Variants in CSMD1 observed in about 807,000 individuals in gnomAD.
CSMD1 encodes the protein CUB and Sushi multiple domains 1.
CSMD1 carries 213 observed loss-of-function variants against 417.5 expected under a neutral mutation model. The observed-to-expected ratio is 0.51, with a 90% CI of 0.46 to 0.57. The LOEUF is 0.57. Ranked by LOEUF, CSMD1 falls within the 20% of genes least tolerant of loss-of-function variation. The pLI is 0.00. For synonymous variants in CSMD1, 2,862 were observed against 1,736.8 expected (o/e 1.65, Z -16.11); for missense variants, 6,923 against 4,529.7 (o/e 1.53, Z -15.17).
chr8:4,149,307 A>G (rs375439781), intron 3 of CSMD1, among the ~76,000 whole-genome samples: 2 of 152,206 alleles, frequency 1.3e-5, no homozygotes, highest in Non-Finnish European at 2.9e-5. Flanking sequence ...AAGCTTTCAC[A>G]TATTCACTGA....
chr8:3,694,234 G>A (rs1042811572), intron 7 of CSMD1, among the ~76,000 whole-genome samples: 14 of 152,162 alleles, frequency 9.2e-5, no homozygotes, highest in African/African-American at 3.1e-4. Flanking sequence ...GGAGGCCATA[G>A]CTCTGTCATG....
intron 58 of CSMD1, among the ~76,000 whole-genome samples, chr8:2,966,200 C>A (rs1333746068): frequency 2.6e-5 from 4 of 152,178 alleles, no homozygotes; most frequent in African/African-American, 9.7e-5. Context: ...ACTTCCACCC[C>A]TTGACTAGCC....
intron 2 of CSMD1, among the ~76,000 whole-genome samples, chr8:4,428,279 C>T (rs1201266381): frequency 1.3e-5 from 2 of 152,184 alleles, no homozygotes; most frequent in South Asian, 4.1e-4. Context: ...AAAATCAGGA[C>T]AGCTTGTACC....
intron 41 of CSMD1, among the ~76,000 whole-genome samples, chr8:3,140,880 G>C (rs924170455): frequency 2.6e-5 from 4 of 152,198 alleles, no homozygotes; most frequent in South Asian, 2.1e-4. Context: ...ACTTTTCTTA[G>C]AGATTGCATA....
intron 5 of CSMD1, among the ~76,000 whole-genome samples, chr8:3,760,761 G>A (rs968233262): frequency 6.6e-6 from 1 of 152,180 alleles, no homozygotes; most frequent in African/African-American, 2.4e-5. Context: ...AAAATCATCA[G>A]AGAAATGTCT....
At chr8:3,478,977 G>A (rs777151719) in intron 11 of CSMD1, among the ~76,000 whole-genome samples, 25 of 151,880 alleles carry the variant, frequency 1.6e-4, no homozygotes, top group Non-Finnish European at 2.4e-4. Flanking sequence ...TGGTCCCTCC[G>A]ACCTCCCTCA....
chr8:3,314,003 A>T (rs914207270), intron 23 of CSMD1, among the ~76,000 whole-genome samples: 1 of 152,156 alleles, frequency 6.6e-6, no homozygotes, highest in Non-Finnish European at 1.5e-5. Context: ...CATCATTCTC[A>T]GCAAACTATC....
chr8:3,814,621 G>A (rs563459151), intron 5 of CSMD1, among the ~76,000 whole-genome samples: 2 of 152,158 alleles, frequency 1.3e-5, no homozygotes, highest in Admixed American at 6.5e-5. Flanking sequence ...ACAGCACACA[G>A]AACGGCCTCC....
At chr8:3,894,875 T>A (rs1260204761) in intron 5 of CSMD1, among the ~76,000 whole-genome samples, 4 of 152,188 alleles carry the variant, frequency 2.6e-5, no homozygotes, top group Non-Finnish European at 5.9e-5. Context: ...TTCACACCTG[T>A]CTTATAAATC....
chr8:4,768,835 C>T lies in CSMD1; in HGVS notation c.86-131277G>A, dbSNP rs1413665869. ...AATGGAAATAGAAGCAGTTATTATT[C>T]ATATGGGAAGGGGAGGTGGCTGAGA... On this transcript the variant is annotated intron_variant, in intron 1 of 69. Transcript: ENST00000635120. Among the ~76,000 whole-genome samples the T allele has an allele frequency of 2.6e-5, 4 of 152,242 alleles. No individual in the cohort carries two copies. In the East Asian group the frequency reaches 7.7e-4, roughly 29 times the overall value.
chr8:4,541,338 T>A (rs1038433661), intron 2 of CSMD1, among the ~76,000 whole-genome samples: 1 of 152,228 alleles, frequency 6.6e-6, no homozygotes, highest in African/African-American at 2.4e-5. Context: ...TTACAGTGGG[T>A]ACTGCCTTTG....
intron 21 of CSMD1, among the ~76,000 whole-genome samples, chr8:3,354,382 A>G (rs1343543664): frequency 1.3e-5 from 2 of 152,164 alleles, no homozygotes; most frequent in South Asian, 4.1e-4. Flanking sequence ...TGGGAAAACT[A>G]TTAATATGCA....
chr8:3,468,506 A>T lies in CSMD1; in HGVS notation c.1561+206T>A, dbSNP rs181343372. On this transcript the variant is annotated intron_variant, in intron 12 of 69. Coordinates refer to ENST00000635120, the MANE Select transcript of CSMD1 (RefSeq NM_033225.6). The stretch of plus-strand genomic sequence containing the variant: ...TTATTTTGGGATAATCAGAGCACAT[A>T]TCATGGCAAGCCGAGTTTTCAGAAG... Among the ~76,000 whole-genome samples, 403 of 152,274 alleles carry T rather than the reference A, an allele frequency of 2.6e-3. 1 individual carries two copies. The highest frequency in any genetic ancestry group is 4.8e-3 in the Non-Finnish European group (325 of 68,020).
At chr8:3,677,120 G>T (rs879726312) in intron 7 of CSMD1, among the ~76,000 whole-genome samples, 5 of 152,034 alleles carry the variant, frequency 3.3e-5, no homozygotes, top group Non-Finnish European at 5.9e-5. Flanking sequence ...GTAGTTCTAT[G>T]TAACAAGCCT....
At chr8:3,761,065 A>G (rs1477679688) in intron 5 of CSMD1, among the ~76,000 whole-genome samples, 1 of 152,186 alleles carries the variant, frequency 6.6e-6, no homozygotes, top group African/African-American at 2.4e-5. Flanking sequence ...GATCAAACAG[A>G]GAGTTCCTGA....
chr8:4,410,866 T>A lies in CSMD1; in HGVS notation c.415+9087A>T, dbSNP rs1796614785. On this transcript the variant is annotated intron_variant, in intron 3 of 69. Transcript: ENST00000635120. ...AAATTTAACTGTCAGTGTAATAAGT[T>A]TGGAAGGAGGAGGGCTTAGAGGTTA... Among the ~76,000 whole-genome samples, 2 of 152,152 alleles carry A rather than the reference T, an allele frequency of 1.3e-5. 1 individual carries two copies. Among genetic ancestry groups the A allele is most frequent in the South Asian group, 4.1e-4 (2 of 4,834 alleles).
intron 1 of CSMD1, among the ~76,000 whole-genome samples, chr8:4,758,229 G>T (rs985863094): frequency 3.3e-5 from 5 of 151,998 alleles, no homozygotes; most frequent in Non-Finnish European, 5.9e-5. Flanking sequence ...TCTTTATCTG[G>T]GTAAGGAGGA....
At chr8:3,664,613 T>C (rs1798589790) in intron 7 of CSMD1, among the ~76,000 whole-genome samples, 1 of 152,188 alleles carries the variant, frequency 6.6e-6, no homozygotes, top group African/African-American at 2.4e-5. Flanking sequence ...ATTCTGTCTG[T>C]CTCCCCACCA....
intron 1 of CSMD1, among the ~76,000 whole-genome samples, chr8:4,728,922 C>A (rs997101443): frequency 1.2e-4 from 19 of 152,114 alleles, no homozygotes; most frequent in African/African-American, 4.3e-4. Flanking sequence ...AGCATTACAA[C>A]GTTAAGGTAA....
Sources: gnomAD v4.1 joint callset for allele counts (sites outside exome capture counted in the v4.1 genomes callset) on GRCh38, gnomAD v4.1.1 for gene constraint, MANE v1.5 for transcripts, NCBI Gene and HGNC (gene_info 2026-07-23, HGNC 2026-07-21) for gene names.